LMO7: variants seen among roughly 807,000 people sequenced by gnomAD.
LMO7 encodes the protein LIM domain only protein 7.
Under a neutral mutation model 206.5 loss-of-function variants are expected in LMO7, and 120 were observed. That is an observed-to-expected ratio of 0.58 (90% CI 0.50 to 0.68). The LOEUF (loss-of-function observed/expected upper bound fraction) is 0.68, where lower values mean the gene tolerates loss of function less well. LMO7 is among the 30% of genes least tolerant of loss of function. The probability of loss-of-function intolerance (pLI) is 0.00; values close to 1 mark genes in which losing one functional copy is unlikely to be tolerated. For synonymous variants in LMO7, 706 were observed against 681.5 expected (o/e 1.04, Z -0.56); for missense variants, 1,959 against 1,957.9 (o/e 1.00, Z -0.01).
At chr13:75,827,375 T>C (rs1317815009) in intron 15 of LMO7, among the ~76,000 whole-genome samples, 3 of 152,172 alleles carry the variant, frequency 2.0e-5, no homozygotes, top group Non-Finnish European at 4.4e-5. Flanking sequence ...TAGGAGCCTA[T>C]CACAGCATTG....
intron 3 of LMO7, among the ~76,000 whole-genome samples, chr13:75,739,844 C>G (rs1250195070): frequency 6.6e-6 from 1 of 152,124 alleles, no homozygotes; most frequent in Non-Finnish European, 1.5e-5. Flanking sequence ...TGTCCTATCC[C>G]CACTTATTCT....
chr13:75,765,628 A>G (rs964294416), intron 4 of LMO7, among the ~76,000 whole-genome samples: 27 of 152,136 alleles, frequency 1.8e-4, no homozygotes, highest in African/African-American at 6.5e-4. Flanking sequence ...GTTTAAGACC[A>G]TTGGCAAAAA....
intron 28 of LMO7, among the ~76,000 whole-genome samples, chr13:75,854,790 C>T (rs532894286): frequency 4.5e-4 from 69 of 152,090 alleles, no homozygotes; most frequent in African/African-American, 1.5e-3. Context: ...AGAAAGAGGG[C>T]GAAAAATAAG....
chr13:75,831,730 T>C (rs1308491595), intron 15 of LMO7, among the ~76,000 whole-genome samples: 1 of 152,048 alleles, frequency 6.6e-6, no homozygotes, highest in Admixed American at 6.6e-5. Flanking sequence ...CCTGCTAGAG[T>C]GAGAACTTAC....
At chr13:75,667,120 T>G (rs1490823294) in intron 1 of LMO7, among the ~76,000 whole-genome samples, 5 of 152,214 alleles carry the variant, frequency 3.3e-5, no homozygotes, top group African/African-American at 1.2e-4. Flanking sequence ...TTGTCTCTGA[T>G]GAGAAGTAAC....
In LMO7 at chr13:75,751,149, C is replaced by CTTTTTTTT. The variant is rs57976279; in HGVS notation, c.211-9761_211-9754dup. Among the ~76,000 whole-genome samples the CTTTTTTTT allele has an allele frequency of 4.1e-4, 25 of 60,390 alleles. 2 individuals carry two copies. Among genetic ancestry groups the CTTTTTTTT allele is most frequent in the East Asian group, 6.4e-4 (1 of 1,572 alleles). 39.6% of individuals were successfully genotyped at this position (60,390 alleles called of 152,430 possible). A position where few individuals can be genotyped will look rare whatever the true frequency, so the allele number is the denominator to read the frequency against. The stretch of plus-strand genomic sequence containing the variant: ...CATGTACTCAGCTCTTTTTTCAGCT[C>CTTTTTTTT]TTTTTTTTTTTTTTTTTTTTTTTTT... On this transcript the variant is annotated intron_variant, in intron 3 of 30. Coordinates refer to ENST00000377534, the MANE Select transcript of LMO7 (RefSeq NM_001306080.2).
Position 75,800,708 on chromosome 13 carries a change from A to C in LMO7, c.487A>C (p.Lys163Gln), listed in dbSNP as rs777512245. The part of the protein sequence containing the change: ...TKALEDSSFL[K>Q]RSGRDSGYGD... ...GGCACTCGAAGACTCCAGCTTCCTG[A>C]AAAGAAGTGGCAGGGACAGTGGCTA... The change falls in exon 7 of 31, where the codon AAA (lysine) becomes CAA (glutamine). Residue 163 changes from lysine to glutamine, a missense_variant. Physicochemically the swap from Lys to Gln is moderately conservative, Grantham distance 53. Coordinates refer to ENST00000377534, the MANE Select transcript of LMO7 (RefSeq NM_001306080.2). 6.2e-7 allele frequency: 1 copy of C among 1,614,092 alleles called. No individual in the cohort carries two copies. The highest frequency in any genetic ancestry group is 8.5e-7 in the Non-Finnish European group (1 of 1,179,940).
At chr13:75,686,041 A>T (rs911526168) in intron 1 of LMO7, among the ~76,000 whole-genome samples, 1 of 151,612 alleles carries the variant, frequency 6.6e-6, no homozygotes, top group Non-Finnish European at 1.5e-5. Context: ...CTCCTGGCTA[A>T]TTTTTTGAAA....
At position 75,681,718 on chromosome 13, in the gene LMO7, G is replaced by GTGTATATATA. The variant is rs1270207162; in HGVS notation, c.70-31463_70-31462insGTATATATAT. 7.7e-4 allele frequency among the ~76,000 whole-genome samples: 81 copies of GTGTATATATA among 104,564 alleles called. 1 individual carries two copies. The highest frequency in any genetic ancestry group is 5.6e-3 in the East Asian group (21 of 3,746). The allele number at this position is 104,564 out of a possible 152,430, so 68.6% of individuals were successfully genotyped here. A position where few individuals can be genotyped will look rare whatever the true frequency, so the allele number is the denominator to read the frequency against. On this transcript the variant is annotated intron_variant, in intron 1 of 30. Coordinates refer to ENST00000377534, the MANE Select transcript of LMO7 (RefSeq NM_001306080.2). ...TATGTATGTATGTGTATATATATATGTATATATATATATATATATATATAT... is the reference window on the plus strand; with the variant it reads ...TATGTATGTATGTGTATATATATATGTGTATATATATATATATATATATATATATATATAT...
rs1594097410 is a variant in LMO7, at chr13:75,656,729, C to G, written c.69+20003C>G. Reference sequence around the variant, plus strand: ...TGTGTGGCTCTTGGAAAGGTTACATCAATTCAGTTGGCTATGTAAAAGCTC... The same window carrying G: ...TGTGTGGCTCTTGGAAAGGTTACATGAATTCAGTTGGCTATGTAAAAGCTC... On this transcript the variant is annotated intron_variant, in intron 1 of 30. Coordinates refer to ENST00000377534, the MANE Select transcript of LMO7 (RefSeq NM_001306080.2). 2.0e-5 allele frequency among the ~76,000 whole-genome samples: 3 copies of G among 152,070 alleles called. No homozygotes were observed. The South Asian group carries it at 6.2e-4, about 32-fold the overall frequency.
At chr13:75,670,252 A>G (rs1212484878) in intron 1 of LMO7, among the ~76,000 whole-genome samples, 2 of 152,202 alleles carry the variant, frequency 1.3e-5, no homozygotes, top group African/African-American at 4.8e-5. Context: ...TCCTGAACAC[A>G]TCCTCATGTC....
At chr13:75,665,010 T>C (rs1401461179) in intron 1 of LMO7, among the ~76,000 whole-genome samples, 2 of 152,202 alleles carry the variant, frequency 1.3e-5, no homozygotes, top group Non-Finnish European at 2.9e-5. Flanking sequence ...AAAATGTGCT[T>C]TCTATTACCT....
intron 23 of LMO7, 125 bp from the exon 24 acceptor site, chr13:75,841,503 G>GT (rs563244445): frequency 6.2e-4 from 430 of 697,240 alleles, no homozygotes; most frequent in Non-Finnish European, 9.3e-4. Flanking sequence ...CTCTTAACAT[G>GT]TTTTTTGAGT....
chr13:75,781,204 G>A (rs2051360749), intron 4 of LMO7, among the ~76,000 whole-genome samples: 1 of 139,742 alleles, frequency 7.2e-6, no homozygotes, highest in African/African-American at 2.7e-5. Context: ...GTATACATGT[G>A]CCAGGCTGGT....
intron 1 of LMO7, chr13:75,688,602 C>T (rs370461846): frequency 3.9e-5 from 6 of 152,284 alleles, no homozygotes; most frequent in African/African-American, 1.4e-4. Context: ...TTGCATTAAC[C>T]CCCCATGGAA....
intron 3 of LMO7, among the ~76,000 whole-genome samples, chr13:75,752,498 C>T (rs1178123245): frequency 1.3e-5 from 2 of 152,148 alleles, no homozygotes; most frequent in Non-Finnish European, 2.9e-5. Flanking sequence ...TAATATATTA[C>T]ACTGTGGTGA....
chr13:75,807,659 AG>A lies in LMO7; in HGVS notation c.1377del (p.Asn460MetfsTer35). 6.2e-7 allele frequency: 1 copy of A among 1,614,030 alleles called. No individual in the cohort carries two copies. Among genetic ancestry groups the A allele is most frequent in the Non-Finnish European group, 8.5e-7 (1 of 1,179,890 alleles). ...LEMAALDPDLENDDFFVRKTG... is the reference protein window; with the variant it reads ...LEMAALDPDLXNDDFFVRKTG... ...ATGGCAGCCCTGGATCCTGACTTAG[AG>A]AATGATGATTTCTTTGTCAGAAAGA... is the stretch of plus-strand genomic sequence containing the variant. On this transcript the variant is annotated frameshift_variant, in exon 10 of 31. Coordinates refer to ENST00000377534, the MANE Select transcript of LMO7 (RefSeq NM_001306080.2). LOFTEE classifies it high-confidence loss of function.
chr13:75,761,798 A>T (rs994332283), intron 4 of LMO7, among the ~76,000 whole-genome samples: 1 of 152,162 alleles, frequency 6.6e-6, no homozygotes, highest in African/African-American at 2.4e-5. Context: ...TTAATTTTAT[A>T]ATAACTATCT....
At chr13:75,760,575 CAA>C in intron 3 of LMO7, 3 of 1,351,776 alleles carry the variant, frequency 2.2e-6, no homozygotes, top group Middle Eastern at 2.7e-4. Flanking sequence ...GCTTGCCGTG[CAA>C]AGCTGGAAAG....
Sources: gnomAD v4.1 joint callset for allele counts (sites outside exome capture counted in the v4.1 genomes callset) on GRCh38, gnomAD v4.1.1 for gene constraint, MANE v1.5 for transcripts, NCBI Gene and HGNC (gene_info 2026-07-23, HGNC 2026-07-21) for gene names.